The following SH3PXD2B variants were observed in gnomAD, a reference collection of about 807,000 sequenced individuals.
SH3PXD2B encodes the protein SH3 and PX domains 2B.
SH3PXD2B carries 37 observed loss-of-function variants against 73.1 expected under a neutral mutation model. The ratio of observed to expected loss-of-function variants is 0.51; its 90% confidence interval spans 0.39 to 0.67. SH3PXD2B has a LOEUF of 0.67. SH3PXD2B is among the 30% of genes least tolerant of loss of function. SH3PXD2B has a pLI of 0.00. For synonymous variants in SH3PXD2B, 457 were observed against 480.5 expected, an observed-to-expected ratio of 0.95 and a Z score of 0.64; for missense variants, 1,053 against 1,197.8, an observed-to-expected ratio of 0.88 and a Z score of 1.78.
intron 6 of SH3PXD2B, among the ~76,000 whole-genome samples, chr5:172,367,730 G>C (rs1731621087): frequency 6.6e-6 from 1 of 152,184 alleles, no homozygotes; most frequent in Non-Finnish European, 1.5e-5. Flanking sequence ...GTGTGGAATT[G>C]TGCACATGTG....
chr5:172,420,388 G>A (rs1224947856), intron 2 of SH3PXD2B, among the ~76,000 whole-genome samples: 1 of 152,044 alleles, frequency 6.6e-6, no homozygotes, highest in East Asian at 1.9e-4. Flanking sequence ...TGTTATGTAG[G>A]CGTTTCGGGA....
At chr5:172,390,700 C>T (rs180915780) in intron 4 of SH3PXD2B, among the ~76,000 whole-genome samples, 325 of 152,304 alleles carry the variant, frequency 2.1e-3, no homozygotes, top group Middle Eastern at 3.4e-3. Context: ...GCAGCCAAGT[C>T]TTTGTGTGGA....
downstream of SH3PXD2B, among the ~76,000 whole-genome samples, chr5:172,329,481 T>C (rs1756512796): frequency 6.6e-6 from 1 of 151,370 alleles, no homozygotes; most frequent in Non-Finnish European, 1.5e-5. Flanking sequence ...TTCACGCAGC[T>C]GGAAGGGAAT....
chr5:172,440,231 T>C (rs7735621), intron 1 of SH3PXD2B, among the ~76,000 whole-genome samples: 25 of 152,266 alleles, frequency 1.6e-4, no homozygotes, highest in Non-Finnish European at 4.4e-5. Flanking sequence ...GGCAGTAGCA[T>C]CAAAGCTGTC....
intron 1 of SH3PXD2B, among the ~76,000 whole-genome samples, chr5:172,451,223 G>C (rs1759789802): frequency 6.6e-6 from 1 of 152,244 alleles, no homozygotes; most frequent in Admixed American, 6.5e-5. Flanking sequence ...CTGTGACCCT[G>C]TCCCTCACAG....
At chr5:172,412,840 C>T (rs899935076) in intron 2 of SH3PXD2B, among the ~76,000 whole-genome samples, 2 of 152,142 alleles carry the variant, frequency 1.3e-5, no homozygotes, top group African/African-American at 4.8e-5. Flanking sequence ...AAAGAAGTGG[C>T]GCTCAGGGTG....
rs555305841 is a variant in SH3PXD2B, at chr5:172,382,215, C to T, written c.310-88G>A. ...CCTATAATCCCAGCTACTCGGGAGGCTGAGGCAAGATAATTGTTTGAACCT... is the reference window on the plus strand; with the variant it reads ...CCTATAATCCCAGCTACTCGGGAGGTTGAGGCAAGATAATTGTTTGAACCT... On this transcript the variant is annotated intron_variant, in intron 4 of 12. Transcript: ENST00000311601. The T allele has an allele frequency of 1.8e-3, 1,948 of 1,090,926 alleles. 28 individuals are homozygous for T. Among genetic ancestry groups the T allele is most frequent in the Middle Eastern group, 0.015 (52 of 3,384 alleles). 67.6% of individuals were successfully genotyped at this position (1,090,926 alleles called of 1,614,324 possible).
chr5:172,397,435 C>G (rs1758327764), intron 3 of SH3PXD2B, among the ~76,000 whole-genome samples: 1 of 152,206 alleles, frequency 6.6e-6, no homozygotes, highest in Non-Finnish European at 1.5e-5. Context: ...CACATGATCT[C>G]TGTGACCCAC....
chr5:172,340,596 A>G (rs114237798), intron 12 of SH3PXD2B, among the ~76,000 whole-genome samples: 2,633 of 152,186 alleles, frequency 0.017, 72 homozygotes, highest in African/African-American at 0.06. Flanking sequence ...CACATGAAAG[A>G]GACCTACCTT....
intron 2 of SH3PXD2B, among the ~76,000 whole-genome samples, chr5:172,408,555 T>TTTTTTTG (rs1758616929): frequency 6.8e-6 from 1 of 148,042 alleles, no homozygotes; most frequent in Non-Finnish European, 1.5e-5. Flanking sequence ...TTTTTTTTTT[T>TTTTTTTG]GAGATGGAGT....
At chr5:172,423,450 C>T (rs377086691) in intron 1 of SH3PXD2B, among the ~76,000 whole-genome samples, 3 of 149,514 alleles carry the variant, frequency 2.0e-5, no homozygotes, top group South Asian at 2.1e-4. Flanking sequence ...CATGAGGTGA[C>T]GGTTAGAAGG....
intron 12 of SH3PXD2B, among the ~76,000 whole-genome samples, chr5:172,327,399 T>G (rs1756466604): frequency 6.6e-6 from 1 of 152,156 alleles, no homozygotes; most frequent in African/African-American, 2.4e-5. Flanking sequence ...AATTGTTCCT[T>G]TGTCAGTGGT....
chr5:172,326,677 C>T (rs1184272578), intron 12 of SH3PXD2B, among the ~76,000 whole-genome samples: 4 of 152,052 alleles, frequency 2.6e-5, no homozygotes, highest in Non-Finnish European at 4.4e-5. Context: ...CCCATCCAGC[C>T]GCATGTTTCT....
intron 6 of SH3PXD2B, among the ~76,000 whole-genome samples, chr5:172,369,201 T>C (rs1757645150): frequency 6.6e-6 from 1 of 150,730 alleles, no homozygotes; most frequent in African/African-American, 2.5e-5. Context: ...GGTTGAATGT[T>C]TTTATGTATT....
intron 3 of SH3PXD2B, among the ~76,000 whole-genome samples, chr5:172,401,711 A>G (rs1298799809): frequency 6.6e-6 from 1 of 152,242 alleles, no homozygotes; most frequent in African/African-American, 2.4e-5. Flanking sequence ...CCAAATTAAT[A>G]CTTTTATAAT....
intron 2 of SH3PXD2B, among the ~76,000 whole-genome samples, chr5:172,408,807 A>G (rs1758623933): frequency 6.6e-6 from 1 of 151,662 alleles, no homozygotes; most frequent in Non-Finnish European, 1.5e-5. Flanking sequence ...TACAGACATG[A>G]GCCACCACGC....
chr5:172,329,075 A>ATTTTTTTTTTT (rs1561884420), downstream of SH3PXD2B, among the ~76,000 whole-genome samples: 3 of 71,118 alleles, frequency 4.2e-5, no homozygotes, highest in African/African-American at 1.7e-4. Flanking sequence ...ATATATATAT[A>ATTTTTTTTTTT]TATATATATT....
At chr5:172,378,333 C>T (rs534184912) in intron 5 of SH3PXD2B, among the ~76,000 whole-genome samples, 29 of 152,330 alleles carry the variant, frequency 1.9e-4, no homozygotes, top group Admixed American at 1.4e-3. Flanking sequence ...GCCGCCAGCG[C>T]GGGGCTTCTT....
intron 6 of SH3PXD2B, among the ~76,000 whole-genome samples, chr5:172,373,014 G>A (rs941615544): frequency 1.3e-5 from 2 of 152,154 alleles, no homozygotes; most frequent in African/African-American, 4.8e-5. Flanking sequence ...CTGTGCATAC[G>A]CAATTTCCCA....
Sources: gnomAD v4.1 joint callset for allele counts (sites outside exome capture counted in the v4.1 genomes callset) on GRCh38, gnomAD v4.1.1 for gene constraint, MANE v1.5 for transcripts, NCBI Gene and HGNC (gene_info 2026-07-23, HGNC 2026-07-21) for gene names.